ESR1: variants seen among roughly 807,000 people sequenced by gnomAD.
ESR1 encodes estrogen receptor 1, also known as estrogen receptor.
Under a neutral mutation model 52.7 loss-of-function variants are expected in ESR1, and 12 were observed. The observed-to-expected ratio is 0.23, with a 90% CI of 0.15 to 0.37. The LOEUF is 0.37. ESR1 is among the 10% of genes least tolerant of loss of function. ESR1 has a pLI of 1.00. For missense variants in ESR1, 584 were observed against 779.7 expected, an observed-to-expected ratio of 0.75 and a Z score of 2.99; for synonymous variants, 305 against 316.8, an observed-to-expected ratio of 0.96 and a Z score of 0.39.
chr6:152,110,973 G>A (rs921340118), intron 6 of ESR1, among the ~76,000 whole-genome samples: 1 of 152,132 alleles, frequency 6.6e-6, no homozygotes, highest in Admixed American at 6.5e-5. Context: ...TCTGCTTCCT[G>A]CTGAGGAGTG....
At chr6:151,951,185 T>A (rs2036283521) in intron 4 of ESR1, among the ~76,000 whole-genome samples, 1 of 152,230 alleles carries the variant, frequency 6.6e-6, no homozygotes, top group African/African-American at 2.4e-5. Context: ...TTTATCCTTT[T>A]TTTGCATCTT....
exon 7 of ESR1, chr6:152,125,408 G>A: frequency 6.6e-7 from 1 of 1,509,888 alleles, no homozygotes. Flanking sequence ...GTGTGGACGT[G>A]GGGACATTTT....
chr6:151,871,297 A>T (rs1027675327), intron 2 of ESR1, among the ~76,000 whole-genome samples: 4 of 152,176 alleles, frequency 2.6e-5, no homozygotes, highest in Non-Finnish European at 5.9e-5. Context: ...GAAATTTACT[A>T]CTTTAATCAT....
chr6:152,029,665 T>C (rs1346436271), intron 5 of ESR1, among the ~76,000 whole-genome samples: 2 of 152,172 alleles, frequency 1.3e-5, no homozygotes, highest in Non-Finnish European at 2.9e-5. Context: ...CTACGTCTGA[T>C]TGGTGTACCT....
intron 2 of ESR1, chr6:151,702,108 A>G (rs1348153194): frequency 6.6e-6 from 1 of 152,088 alleles, no homozygotes; most frequent in Non-Finnish European, 1.5e-5. Flanking sequence ...TTTTCATTTA[A>G]TTTCTTTCAT....
At chr6:152,121,274 G>C (rs190600441) in intron 6 of ESR1, among the ~76,000 whole-genome samples, 126 of 152,318 alleles carry the variant, frequency 8.3e-4, no homozygotes, top group African/African-American at 2.7e-3. Context: ...GGTAGACAAT[G>C]AACAATAGAA....
intron 2 of ESR1, among the ~76,000 whole-genome samples, chr6:151,855,703 A>T (rs1256991597): frequency 6.6e-6 from 1 of 152,208 alleles, no homozygotes; most frequent in Non-Finnish European, 1.5e-5. Flanking sequence ...GAAGAGTTAA[A>T]TTCAGCACTA....
chr6:151,799,396 C>T lies in ESR1; in HGVS notation c.-70-8447C>T, dbSNP rs569159804. Reference sequence around the variant, plus strand: ...TTCTAGAAAATATGAATCTGCTCCCCAATTGTCCTCCAAGCTCTGGTTCTA... The same window carrying T: ...TTCTAGAAAATATGAATCTGCTCCCTAATTGTCCTCCAAGCTCTGGTTCTA... On this transcript the variant is annotated intron_variant, in intron 2 of 2. Transcript: ENST00000404742. Among the ~76,000 whole-genome samples, 210 of 152,304 alleles carry T rather than the reference C, an allele frequency of 1.4e-3. 1 individual carries two copies. The highest frequency in any genetic ancestry group is 6.8e-3 in the Middle Eastern group (2 of 294).
chr6:151,905,065 A>G (rs1011358854), intron 3 of ESR1, among the ~76,000 whole-genome samples: 16 of 152,240 alleles, frequency 1.1e-4, no homozygotes, highest in Non-Finnish European at 1.5e-5. Flanking sequence ...ACAGCAGCAC[A>G]AACTCCAGTG....
intron 2 of ESR1, among the ~76,000 whole-genome samples, chr6:151,739,899 T>G (rs933168126): frequency 3.3e-5 from 5 of 152,164 alleles, no homozygotes; most frequent in African/African-American, 1.2e-4. Context: ...CCTTTCTTCC[T>G]CTCTCCATCC....
chr6:151,962,309 T>C (rs955406877), intron 4 of ESR1, among the ~76,000 whole-genome samples: 1 of 152,034 alleles, frequency 6.6e-6, no homozygotes, highest in Middle Eastern at 3.2e-3. Flanking sequence ...ATTTTTATGG[T>C]TTCTTAAAAC....
intron 4 of ESR1, among the ~76,000 whole-genome samples, chr6:151,958,133 T>C (rs1396545998): frequency 6.6e-6 from 1 of 152,192 alleles, no homozygotes; most frequent in East Asian, 1.9e-4. Context: ...ATAAAAAGAG[T>C]TGAATGGATA....
intron 1 of ESR1, among the ~76,000 whole-genome samples, chr6:151,682,325 T>C (rs1176942080): frequency 6.6e-6 from 1 of 152,210 alleles, no homozygotes. Flanking sequence ...TTTCGTTTCC[T>C]CCTGTAGGAA....
intron 2 of ESR1, among the ~76,000 whole-genome samples, chr6:151,866,539 C>T (rs186481877): frequency 4.5e-4 from 68 of 152,074 alleles, no homozygotes; most frequent in Non-Finnish European, 7.5e-4. Context: ...CATGTATTCT[C>T]ATTGTTCAGC....
At chr6:151,717,521 C>CT (rs554114881) in intron 2 of ESR1, among the ~76,000 whole-genome samples, 225 of 152,196 alleles carry the variant, frequency 1.5e-3, no homozygotes, top group African/African-American at 5.1e-3. Context: ...TTATTTAGAT[C>CT]TTGTGTTAGG....
At chr6:151,958,532 G>T (rs3003922) in intron 4 of ESR1, among the ~76,000 whole-genome samples, 1 of 152,068 alleles carries the variant, frequency 6.6e-6, no homozygotes, top group Non-Finnish European at 1.5e-5. Flanking sequence ...AGAAAGTATT[G>T]CAGGATGTGG....
chr6:151,721,268 T>G (rs1433173590), intron 2 of ESR1, among the ~76,000 whole-genome samples: 1 of 152,176 alleles, frequency 6.6e-6, no homozygotes, highest in Non-Finnish European at 1.5e-5. Flanking sequence ...AAGATAGGAC[T>G]TGGCAAGTTA....
At chr6:152,079,264 C>G (rs1434432493) in intron 6 of ESR1, among the ~76,000 whole-genome samples, 1 of 152,140 alleles carries the variant, frequency 6.6e-6, no homozygotes, top group Non-Finnish European at 1.5e-5. Flanking sequence ...GGCAGGTGCC[C>G]TCTGGGACGA....
chr6:151,737,981 A>G (rs987566452), intron 2 of ESR1, among the ~76,000 whole-genome samples: 3 of 152,124 alleles, frequency 2.0e-5, no homozygotes, highest in Non-Finnish European at 4.4e-5. Flanking sequence ...GCAGTCTTAG[A>G]ATTGTGGTTT....
Sources: gnomAD v4.1 joint callset for allele counts (sites outside exome capture counted in the v4.1 genomes callset) on GRCh38, gnomAD v4.1.1 for gene constraint, MANE v1.5 for transcripts, NCBI Gene and HGNC (gene_info 2026-07-23, HGNC 2026-07-21) for gene names.